Variants in STK39 observed in about 807,000 individuals in gnomAD.
STK39 encodes the protein STE20/SPS1-related proline-alanine-rich protein kinase.
STK39 carries 20 observed loss-of-function variants against 77.8 expected under a neutral mutation model. That is an observed-to-expected ratio of 0.26 (90% CI 0.18 to 0.37). STK39 has a LOEUF of 0.37. Among genes scored for constraint, STK39 ranks in the 10% least tolerant of loss-of-function variants. STK39 has a pLI of 1.00. For synonymous variants in STK39, 246 were observed against 234.1 expected, an observed-to-expected ratio of 1.05 and a Z score of -0.47; for missense variants, 479 against 656.5, an observed-to-expected ratio of 0.73 and a Z score of 2.95.
chr2:167,980,755 T>TG (rs1683395737), intron 16 of STK39, among the ~76,000 whole-genome samples: 1 of 30,750 alleles, frequency 3.3e-5, no homozygotes, highest in East Asian at 2.4e-4. Flanking sequence ...TTGTTGTTGT[T>TG]TTTTTTTTTT....
Position 168,072,611 on chromosome 2 carries a change from G to A in STK39, c.1242+2371C>T, listed in dbSNP as rs554169702. On this transcript the variant is annotated intron_variant, in intron 12 of 17. Transcript: ENST00000355999. ...ATTTTGCTCTGTATTTCTCACTGACGTATCCCTTAAACCTACTAAGACAGG... is the reference window on the plus strand; with the variant it reads ...ATTTTGCTCTGTATTTCTCACTGACATATCCCTTAAACCTACTAAGACAGG... 5.9e-5 allele frequency among the ~76,000 whole-genome samples: 9 copies of A among 152,272 alleles called. No individual in the cohort carries two copies. In the South Asian group the frequency reaches 1.4e-3, roughly 25 times the overall value.
chr2:167,986,445 A>G (rs188122888), intron 16 of STK39, among the ~76,000 whole-genome samples: 99 of 152,314 alleles, frequency 6.5e-4, no homozygotes, highest in Middle Eastern at 3.4e-3. Flanking sequence ...AATGTTTTAT[A>G]TTTATAAAAG....
rs10611769 is a variant in STK39, at chr2:168,169,631, C to CGTGTGTGTGTGTGTGTGTGTGTGT, written c.322-2248_322-2225dup. ...TCAGGTTCTCTGACTTTGCAGTGAG[C>CGTGTGTGTGTGTGTGTGTGTGTGT]GTGTGTGTGTGTGTGTGTGTGTGTG... On this transcript the variant is annotated intron_variant, in intron 2 of 17. Transcript: ENST00000355999. 1.8e-3 allele frequency among the ~76,000 whole-genome samples: 257 copies of CGTGTGTGTGTGTGTGTGTGTGTGT among 145,922 alleles called. 1 individual carries two copies. The highest frequency in any genetic ancestry group is 5.1e-3 in the African/African-American group (201 of 39,334).
intron 10 of STK39, among the ~76,000 whole-genome samples, chr2:168,113,857 CTT>C (rs1687186166): frequency 6.6e-6 from 1 of 152,158 alleles, no homozygotes; most frequent in Non-Finnish European, 1.5e-5. Context: ...GCAAATATCT[CTT>C]GATAAGGTAA....
At chr2:168,178,419 C>G (rs573976745) in intron 2 of STK39, among the ~76,000 whole-genome samples, 3 of 152,042 alleles carry the variant, frequency 2.0e-5, no homozygotes, top group African/African-American at 7.2e-5. Context: ...TCATATCATA[C>G]CAAGAAAAAC....
At chr2:168,175,219 A>G (rs1474478948) in intron 2 of STK39, among the ~76,000 whole-genome samples, 1 of 152,218 alleles carries the variant, frequency 6.6e-6, no homozygotes, top group Non-Finnish European at 1.5e-5. Context: ...GTCTCAACCT[A>G]AGCAACATTT....
chr2:168,020,096 C>T (rs542301138), intron 14 of STK39, among the ~76,000 whole-genome samples: 1 of 152,104 alleles, frequency 6.6e-6, no homozygotes, highest in Non-Finnish European at 1.5e-5. Flanking sequence ...GGTCTTAGGA[C>T]ACTTTTATGT....
rs372341682 is a variant in STK39 at position 168,180,238 on chromosome 2, T to C, written c.321+1740A>G. 7.9e-5 allele frequency among the ~76,000 whole-genome samples: 12 copies of C among 152,128 alleles called. No individual in the cohort carries two copies. In the South Asian group the frequency reaches 2.5e-3, roughly 32 times the overall value. ...GGTGCATGTCTGTAATCCCAGCTACTCGGGAGGCTAAAGCAGGAGAATCGC... is the reference window on the plus strand; with the variant it reads ...GGTGCATGTCTGTAATCCCAGCTACCCGGGAGGCTAAAGCAGGAGAATCGC... On this transcript the variant is annotated intron_variant, in intron 2 of 17. Coordinates refer to ENST00000355999, the MANE Select transcript of STK39 (RefSeq NM_013233.3).
chr2:168,229,529 T>G (rs1483344985), intron 1 of STK39, among the ~76,000 whole-genome samples: 1 of 152,208 alleles, frequency 6.6e-6, no homozygotes, highest in Non-Finnish European at 1.5e-5. Flanking sequence ...TTACAAAGCT[T>G]CTAATATTTC....
chr2:168,131,364 G>A (rs1011615752), intron 8 of STK39, among the ~76,000 whole-genome samples: 2 of 152,020 alleles, frequency 1.3e-5, no homozygotes, highest in African/African-American at 2.4e-5. Flanking sequence ...ATTACCAAAC[G>A]CACAAATAAT....
intron 12 of STK39, among the ~76,000 whole-genome samples, chr2:168,069,197 T>C (rs960064907): frequency 6.6e-6 from 1 of 152,204 alleles, no homozygotes; most frequent in African/African-American, 2.4e-5. Context: ...ATTACAGGCA[T>C]GAGCCACTGC....
At chr2:168,183,658 T>A (rs1054186513) in intron 1 of STK39, among the ~76,000 whole-genome samples, 21 of 152,180 alleles carry the variant, frequency 1.4e-4, no homozygotes, top group African/African-American at 5.1e-4. Flanking sequence ...TGAGCCTCAT[T>A]TGCTAGAGCT....
chr2:167,981,960 G>A (rs1476002939), intron 16 of STK39, among the ~76,000 whole-genome samples: 1 of 152,138 alleles, frequency 6.6e-6, no homozygotes, highest in East Asian at 1.9e-4. Context: ...GTGGTGGTGG[G>A]AGAAATATTC....
intron 14 of STK39, among the ~76,000 whole-genome samples, chr2:168,054,038 C>T (rs1685462002): frequency 6.6e-6 from 1 of 152,242 alleles, no homozygotes; most frequent in Non-Finnish European, 1.5e-5. Flanking sequence ...CTATTTGCAG[C>T]AGCATCTTTA....
chr2:167,996,159 C>T (rs1221297229), intron 16 of STK39, among the ~76,000 whole-genome samples: 1 of 152,048 alleles, frequency 6.6e-6, no homozygotes, highest in Non-Finnish European at 1.5e-5. Flanking sequence ...AACTGTGATA[C>T]AAATAAAGCT....
At chr2:167,988,447 A>G (rs1683615146) in intron 16 of STK39, among the ~76,000 whole-genome samples, 2 of 152,182 alleles carry the variant, frequency 1.3e-5, no homozygotes, top group South Asian at 2.1e-4. Flanking sequence ...ATGAAATCCC[A>G]TCATCTTTCT....
chr2:168,173,938 T>C (rs1388875283), intron 2 of STK39, among the ~76,000 whole-genome samples: 1 of 152,206 alleles, frequency 6.6e-6, no homozygotes, highest in African/African-American at 2.4e-5. Flanking sequence ...GAGAAAAACC[T>C]ATTCAAGGAA....
chr2:168,030,188 C>T (rs1016596270), intron 14 of STK39, among the ~76,000 whole-genome samples: 11 of 152,164 alleles, frequency 7.2e-5, no homozygotes, highest in South Asian at 4.2e-4. Context: ...TTCAGTGAGC[C>T]GAAATCCAGC....
rs1372777119 is a variant in STK39, at chr2:167,965,120, G to A, written c.1499-394C>T. On this transcript the variant is annotated intron_variant, in intron 16 of 17. Coordinates refer to ENST00000355999, the MANE Select transcript of STK39 (RefSeq NM_013233.3). ...TACAAAACAAAGAGGAGAGGTAGTGGGGAGAAAAAAAAAACAAAAAAAAAC... is the reference window on the plus strand; with the variant it reads ...TACAAAACAAAGAGGAGAGGTAGTGAGGAGAAAAAAAAAACAAAAAAAAAC... Among the ~76,000 whole-genome samples, 5 of 128,218 alleles carry A rather than the reference G, an allele frequency of 3.9e-5. No individual in the cohort carries two copies. The East Asian group carries it at 1.2e-3, about 30-fold the overall frequency. The allele number at this position is 128,218 out of a possible 152,430, so 84.1% of individuals were successfully genotyped here.
Sources: allele counts gnomAD v4.1 joint callset (sites outside exome capture counted in the v4.1 genomes callset), GRCh38; gene constraint gnomAD v4.1.1; transcripts MANE v1.5; gene names NCBI Gene and HGNC (gene_info 2026-07-23, HGNC 2026-07-21).